Variants in NIPBL observed in about 807,000 individuals in gnomAD.
NIPBL encodes the protein nipped-B-like protein.
Under a neutral mutation model 321.8 loss-of-function variants are expected in NIPBL, and 19 were observed. The observed-to-expected ratio is 0.06, with a 90% CI of 0.04 to 0.09. The LOEUF is 0.09. Among genes scored for constraint, NIPBL ranks in the 10% least tolerant of loss-of-function variants. The probability of loss-of-function intolerance (pLI) is 1.00; values close to 1 mark genes in which losing one functional copy is unlikely to be tolerated. For synonymous variants in NIPBL, 1,106 were observed against 1,114.1 expected (o/e 0.99, Z 0.14); for missense variants, 2,210 against 3,327.0 (o/e 0.66, Z 8.26).
chr5:36,992,963 G>T (rs1317799441), intron 10 of NIPBL, among the ~76,000 whole-genome samples: 1 of 151,804 alleles, frequency 6.6e-6, no homozygotes, highest in African/African-American at 2.4e-5. Flanking sequence ...GGATGGTCTC[G>T]ATCTCCTGAC....
chr5:36,908,189 C>G (rs552027021), intron 1 of NIPBL, among the ~76,000 whole-genome samples: 4 of 152,224 alleles, frequency 2.6e-5, no homozygotes, highest in African/African-American at 9.6e-5. Context: ...TGCTGAAAGA[C>G]AATCTTTTGG....
At chr5:37,050,965 G>C (rs1461349594) in intron 40 of NIPBL, 1 of 152,174 alleles carries the variant, frequency 6.6e-6, no homozygotes, top group Non-Finnish European at 1.5e-5. Flanking sequence ...AAGTAGCTGA[G>C]ACTACAGGTG....
chr5:36,956,176 A>T (rs1740922910), intron 3 of NIPBL, among the ~76,000 whole-genome samples: 2 of 152,106 alleles, frequency 1.3e-5, no homozygotes, highest in Admixed American at 6.6e-5. Context: ...GGTTGCAGTG[A>T]GCCGAGATCA....
Position 36,996,994 on chromosome 5 carries a change from A to G in NIPBL, c.3304+1190A>G, listed in dbSNP as rs1033578716. Reference sequence around the variant, plus strand: ...GTTTTAAAATTGAAATAAAATATACAGCAAACTTAACATTTAATCATGTAT... The same window carrying G: ...GTTTTAAAATTGAAATAAAATATACGGCAAACTTAACATTTAATCATGTAT... On this transcript the variant is annotated intron_variant, in intron 11 of 46. Coordinates refer to ENST00000282516, the MANE Select transcript of NIPBL (RefSeq NM_133433.4). The surrounding 1 kb of genome is among the most constrained non-coding windows in gnomAD (Gnocchi z 5.0). 1 of 153,100 alleles carries G rather than the reference A, an allele frequency of 6.5e-6. No individual in the cohort carries two copies. Among genetic ancestry groups the G allele is most frequent in the Non-Finnish European group, 1.5e-5 (1 of 68,616 alleles). 9.5% of individuals were successfully genotyped at this position (153,100 alleles called of 1,614,324 possible). A position where few individuals can be genotyped will look rare whatever the true frequency, so the allele number is the denominator to read the frequency against.
chr5:36,946,885 C>T (rs1739745138), intron 1 of NIPBL, among the ~76,000 whole-genome samples: 1 of 151,946 alleles, frequency 6.6e-6, no homozygotes, highest in Non-Finnish European at 1.5e-5. Context: ...ATCTTTTTTC[C>T]ATAGCAGTGT....
chr5:36,940,850 A>G (rs1269421820), intron 1 of NIPBL, among the ~76,000 whole-genome samples: 2 of 152,206 alleles, frequency 1.3e-5, no homozygotes, highest in Non-Finnish European at 2.9e-5. Flanking sequence ...TGCTAGGCAT[A>G]TGTTAAGCAC....
intron 21 of NIPBL, 138 bp downstream of exon 21, chr5:37,010,363 TG>T (rs1158770499): frequency 1.5e-6 from 1 of 654,086 alleles, no homozygotes; most frequent in East Asian, 3.4e-5. Flanking sequence ...TCACCCAGGC[TG>T]GAGTGCAGTG....
intron 32 of NIPBL, among the ~76,000 whole-genome samples, chr5:37,032,380 T>C (rs1472732536): frequency 7.1e-6 from 1 of 140,030 alleles, no homozygotes; most frequent in Non-Finnish European, 1.5e-5. Context: ...TATGCATACA[T>C]GTATACGTGT....
At chr5:36,990,586 G>A (rs903134465) in intron 10 of NIPBL, among the ~76,000 whole-genome samples, 10 of 152,138 alleles carry the variant, frequency 6.6e-5, no homozygotes, top group East Asian at 3.8e-4. Context: ...ATTGATATCA[G>A]TGATATCTTT....
chr5:37,002,203 G>T (rs1277416856), intron 14 of NIPBL, among the ~76,000 whole-genome samples: 1 of 152,180 alleles, frequency 6.6e-6, no homozygotes, highest in African/African-American at 2.4e-5. Flanking sequence ...TGCCTTGAAA[G>T]AAGCAATACC....
intron 5 of NIPBL, among the ~76,000 whole-genome samples, 183 bp from the exon 6 acceptor site, chr5:36,961,940 T>A (rs1189710684): frequency 6.6e-6 from 1 of 152,188 alleles, no homozygotes; most frequent in African/African-American, 2.4e-5. Flanking sequence ...TTATTGTAAC[T>A]CTTTGATTAT....
chr5:36,879,711 A>T (rs1745365914), intron 1 of NIPBL, among the ~76,000 whole-genome samples: 1 of 152,118 alleles, frequency 6.6e-6, no homozygotes, highest in Non-Finnish European at 1.5e-5. Context: ...AATCCTAGTT[A>T]TATTATTTGG....
At chr5:37,057,153 C>T in intron 42 of NIPBL, 33 bp from the exon 43 acceptor site, 8 of 1,610,168 alleles carry the variant, frequency 5.0e-6, no homozygotes, top group Non-Finnish European at 6.8e-6. Context: ...AGATTATCCG[C>T]TAAACATGTG....
At chr5:36,947,829 C>T (rs1739855214) in intron 1 of NIPBL, among the ~76,000 whole-genome samples, 1 of 151,904 alleles carries the variant, frequency 6.6e-6, no homozygotes, top group Non-Finnish European at 1.5e-5. Context: ...GACCCCTAAT[C>T]ATTGTTAAAG....
intron 3 of NIPBL, among the ~76,000 whole-genome samples, chr5:36,957,150 A>G (rs1008490307): frequency 1.2e-4 from 18 of 152,184 alleles, no homozygotes; most frequent in Admixed American, 2.6e-4. Flanking sequence ...AAGTTAAAAC[A>G]CTGCCTATAC....
rs761090361 is a variant in NIPBL at position 37,064,546 on chromosome 5, G to A, written c.8069G>A (p.Arg2690Gln). The part of the protein sequence containing the change: ...GTSGSLRRSK[R>Q]NSDSTELAAQ... Reference sequence around the variant, plus strand: ...TTTTAGTCATTGAGAAGGTCAAAACGAAATTCAGACTCTACGGAGTTGGCA... The same window carrying A: ...TTTTAGTCATTGAGAAGGTCAAAACAAAATTCAGACTCTACGGAGTTGGCA... Residue 2690 changes from arginine to glutamine, a missense_variant, in exon 47 of 47, where the codon CGA becomes CAA. Arg to Gln is a conservative substitution (Grantham distance 43). Around this residue, in one of 14 missense-constraint regions of NIPBL, gnomAD observed 159 missense variants for 319.2 expected, o/e 0.50. Coordinates refer to ENST00000282516, the MANE Select transcript of NIPBL (RefSeq NM_133433.4). 6.2e-7 allele frequency: 1 copy of A among 1,613,654 alleles called. No individual in the cohort carries two copies. Among genetic ancestry groups the A allele is most frequent in the Non-Finnish European group, 8.5e-7 (1 of 1,180,006 alleles).
chr5:37,038,302 A>T (rs532426646), intron 33 of NIPBL, among the ~76,000 whole-genome samples: 1 of 152,168 alleles, frequency 6.6e-6, no homozygotes, highest in East Asian at 1.9e-4. Flanking sequence ...TTGATTTTAG[A>T]TAAAACCAAT....
chr5:36,890,955 C>T (rs1746284339), intron 1 of NIPBL, among the ~76,000 whole-genome samples: 1 of 152,100 alleles, frequency 6.6e-6, no homozygotes, highest in Non-Finnish European at 1.5e-5. Context: ...GCTATTAAGG[C>T]ATTGCAGATG....
chr5:36,958,357 A>G lies in NIPBL; in HGVS notation c.358+126A>G, dbSNP rs1014831859. The G allele has an allele frequency of 1.9e-5, 16 of 862,762 alleles. No homozygotes were observed. In the Admixed American group the frequency reaches 3.2e-4, roughly 17 times the overall value. 53.4% of individuals were successfully genotyped at this position (862,762 alleles called of 1,614,324 possible). A position where few individuals can be genotyped will look rare whatever the true frequency, so the allele number is the denominator to read the frequency against. ...TTATGCCTTCAGTCAAGCCAAGAAC[A>G]AGAAGGAAACTAAACTGATAAGATT... On this transcript the variant is annotated intron_variant, in intron 4 of 46. Coordinates refer to ENST00000282516, the MANE Select transcript of NIPBL (RefSeq NM_133433.4).
Sources: allele counts gnomAD v4.1 joint callset (sites outside exome capture counted in the v4.1 genomes callset), GRCh38; gene constraint gnomAD v4.1.1; regional missense constraint gnomAD v4.1.1; non-coding constraint Gnocchi (gnomAD v3.1); transcripts MANE v1.5; gene names NCBI Gene and HGNC (gene_info 2026-07-23, HGNC 2026-07-21).